SDK1: variants seen among roughly 807,000 people sequenced by gnomAD.
The protein encoded by SDK1 is protein sidekick-1.
SDK1 carries 157 observed loss-of-function variants against 245.5 expected under a neutral mutation model. That is an observed-to-expected ratio of 0.64 (90% CI 0.56 to 0.73). SDK1 has a LOEUF of 0.73. Among genes scored for constraint, SDK1 ranks in the 30% least tolerant of loss-of-function variants. SDK1 has a pLI of 0.00. For missense variants in SDK1, 3,583 were observed against 3,002.3 expected, an observed-to-expected ratio of 1.19 and a Z score of -4.52; for synonymous variants, 1,647 against 1,278.5, an observed-to-expected ratio of 1.29 and a Z score of -6.15.
intron 5 of SDK1, among the ~76,000 whole-genome samples, chr7:3,910,699 A>G (rs1161963080): frequency 6.6e-6 from 1 of 152,166 alleles, no homozygotes; most frequent in Non-Finnish European, 1.5e-5. Flanking sequence ...TGCATGATAC[A>G]TAGTGTTCAG....
intron 4 of SDK1, among the ~76,000 whole-genome samples, chr7:3,669,012 G>A (rs185725786): frequency 1.9e-4 from 29 of 152,262 alleles, no homozygotes; most frequent in African/African-American, 6.7e-4. Context: ...AGGACAATTG[G>A]CCACATAAGG....
chr7:3,519,155 GA>G (rs1016918620), intron 1 of SDK1, among the ~76,000 whole-genome samples: 8 of 152,044 alleles, frequency 5.3e-5, no homozygotes, highest in Admixed American at 3.9e-4. Context: ...AAGAGTGGGG[GA>G]TAGGGAGAGA....
intron 37 of SDK1, among the ~76,000 whole-genome samples, chr7:4,208,538 A>G (rs1008423047): frequency 6.6e-6 from 1 of 152,200 alleles, no homozygotes; most frequent in Non-Finnish European, 1.5e-5. Flanking sequence ...TTTTTCCCAG[A>G]GCCCTGGAGA....
intron 4 of SDK1, among the ~76,000 whole-genome samples, chr7:3,710,247 G>T (rs1029384905): frequency 1.3e-5 from 2 of 152,154 alleles, no homozygotes; most frequent in African/African-American, 4.8e-5. Context: ...TTTCTTGCCT[G>T]TATTTGTTAT....
intron 1 of SDK1, among the ~76,000 whole-genome samples, chr7:3,530,511 G>A (rs1267759168): frequency 1.3e-5 from 2 of 152,144 alleles, no homozygotes; most frequent in Non-Finnish European, 2.9e-5. Context: ...AATGTAAGGA[G>A]TTGATAGAAC....
intron 4 of SDK1, among the ~76,000 whole-genome samples, chr7:3,741,999 T>C (rs1028405631): frequency 6.8e-6 from 1 of 147,834 alleles, no homozygotes; most frequent in Non-Finnish European, 1.5e-5. Flanking sequence ...TATATATATA[T>C]ATATATATAT....
chr7:3,702,938 TACTC>T (rs1276116357), intron 4 of SDK1, among the ~76,000 whole-genome samples: 9 of 151,580 alleles, frequency 5.9e-5, no homozygotes, highest in African/African-American at 1.5e-4. Flanking sequence ...CAGTACCAAA[TACTC>T]AGGAAGATGC....
intron 1 of SDK1, among the ~76,000 whole-genome samples, chr7:3,482,092 C>A (rs1461746654): frequency 6.6e-6 from 1 of 152,044 alleles, no homozygotes; most frequent in East Asian, 1.9e-4. Context: ...AGGGACATAT[C>A]CTACCAGACA....
chr7:3,411,115 G>C (rs1779187589), intron 1 of SDK1, among the ~76,000 whole-genome samples: 1 of 152,140 alleles, frequency 6.6e-6, no homozygotes, highest in Non-Finnish European at 1.5e-5. Context: ...AGTGAGGCTT[G>C]GTATTTGAGC....
intron 4 of SDK1, among the ~76,000 whole-genome samples, chr7:3,704,024 A>G (rs1164461645): frequency 6.6e-6 from 1 of 152,124 alleles, no homozygotes; most frequent in African/African-American, 2.4e-5. Flanking sequence ...TGTACATTGC[A>G]CCCAGTTTGT....
intron 4 of SDK1, among the ~76,000 whole-genome samples, chr7:3,740,153 A>C (rs531841069): frequency 4.6e-5 from 7 of 152,244 alleles, no homozygotes; most frequent in Admixed American, 3.9e-4. Flanking sequence ...ACAACCCTCC[A>C]CTTGCTTGCT....
chr7:3,381,715 G>C (rs1198890422), intron 1 of SDK1, among the ~76,000 whole-genome samples: 1 of 152,074 alleles, frequency 6.6e-6, no homozygotes, highest in Non-Finnish European at 1.5e-5. Context: ...AAGGAGAAAA[G>C]CACCTCTCCT....
Position 3,705,501 on chromosome 7 carries a change from T to G in SDK1, c.713+63396T>G, listed in dbSNP as rs976997252. On this transcript the variant is annotated intron_variant, in intron 4 of 44. Transcript: ENST00000404826. ...ATTTTATTTTATTTTATTTTTTATTTTATTTTTGCAGCTTTTGTAAAAGGG... is the reference window on the plus strand; with the variant it reads ...ATTTTATTTTATTTTATTTTTTATTGTATTTTTGCAGCTTTTGTAAAAGGG... Among the ~76,000 whole-genome samples, 6 of 149,132 alleles carry G rather than the reference T, an allele frequency of 4.0e-5. No individual in the cohort carries two copies. In the South Asian group the frequency reaches 6.3e-4, roughly 16 times the overall value.
intron 7 of SDK1, among the ~76,000 whole-genome samples, chr7:3,956,568 A>G (rs1781279211): frequency 6.6e-6 from 1 of 152,204 alleles, no homozygotes; most frequent in African/African-American, 2.4e-5. Context: ...AGCATCCACA[A>G]TGAACAGCCA....
At chr7:3,917,702 C>G (rs1231042874) in intron 5 of SDK1, among the ~76,000 whole-genome samples, 10 of 152,186 alleles carry the variant, frequency 6.6e-5, no homozygotes. Flanking sequence ...GTCACACATT[C>G]TATTTCCAGA....
intron 28 of SDK1, among the ~76,000 whole-genome samples, chr7:4,143,510 T>A (rs2128205802): frequency 6.6e-6 from 1 of 152,192 alleles, no homozygotes; most frequent in South Asian, 2.1e-4. Context: ...TCCAGCAAAC[T>A]GAGGCTGGGA....
At chr7:3,704,379 C>G (rs1473894650) in intron 4 of SDK1, among the ~76,000 whole-genome samples, 1 of 141,468 alleles carries the variant, frequency 7.1e-6, no homozygotes, top group Non-Finnish European at 1.5e-5. Flanking sequence ...TTTTTTTTTA[C>G]TTTTTAATAA....
chr7:3,542,722 CTG>C (rs1475967343), intron 1 of SDK1, among the ~76,000 whole-genome samples: 4 of 152,116 alleles, frequency 2.6e-5, no homozygotes, highest in African/African-American at 9.7e-5. Context: ...CTCTTAGAAA[CTG>C]TGTGTTAGGT....
At chr7:3,455,502 A>T (rs576821368) in intron 1 of SDK1, among the ~76,000 whole-genome samples, 2 of 151,812 alleles carry the variant, frequency 1.3e-5, no homozygotes, top group African/African-American at 4.8e-5. Context: ...TAATTGTTCA[A>T]TGGATGCCTA....
Sources: allele counts gnomAD v4.1 joint callset (sites outside exome capture counted in the v4.1 genomes callset), GRCh38; gene constraint gnomAD v4.1.1; transcripts MANE v1.5; gene names NCBI Gene and HGNC (gene_info 2026-07-23, HGNC 2026-07-21).